The following PAX2 variants were observed in gnomAD, a reference collection of about 807,000 sequenced individuals.
The protein encoded by PAX2 is paired box protein Pax-2.
A neutral mutation model predicts 41.7 loss-of-function variants in PAX2; 9 were observed. That is an observed-to-expected ratio of 0.22 (90% confidence interval 0.13 to 0.38). The LOEUF (loss-of-function observed/expected upper bound fraction) is 0.38. Ranked by LOEUF, PAX2 falls within the 10% of genes least tolerant of loss-of-function variation. The pLI is 1.00. For synonymous variants in PAX2, 221 were observed against 212.7 expected (o/e 1.04, Z -0.34); for missense variants, 418 against 531.6 (o/e 0.79, Z 2.10).
intron 3 of PAX2, among the ~76,000 whole-genome samples, chr10:100,762,340 G>A (rs929371718): frequency 2.6e-5 from 4 of 152,138 alleles, no homozygotes; most frequent in Non-Finnish European, 4.4e-5. Flanking sequence ...CATTGACATG[G>A]GGCAGTGAAG....
At chr10:100,786,715 G>T (rs1025876181) in intron 5 of PAX2, among the ~76,000 whole-genome samples, 2 of 152,174 alleles carry the variant, frequency 1.3e-5, no homozygotes, top group African/African-American at 4.8e-5. Flanking sequence ...CCTACCTTCT[G>T]CTGATAAAGG....
At chr10:100,799,192 CT>C (rs1847451868) in intron 5 of PAX2, among the ~76,000 whole-genome samples, 2 of 152,300 alleles carry the variant, frequency 1.3e-5, no homozygotes, top group South Asian at 4.1e-4. Flanking sequence ...CTGAGCCCCA[CT>C]GCTCCCCCAG....
At chr10:100,787,257 T>TG (rs548126843) in intron 5 of PAX2, among the ~76,000 whole-genome samples, 18 of 152,094 alleles carry the variant, frequency 1.2e-4, no homozygotes, top group South Asian at 8.3e-4. Flanking sequence ...ACTCAGTGGA[T>TG]GGGGGGTCAC....
chr10:100,749,126 A>T, intron 1 of PAX2: 1 of 985,596 alleles, frequency 1.0e-6, no homozygotes, highest in Non-Finnish European at 1.2e-6. Flanking sequence ...AAAACTTCCC[A>T]TCAAAAACAA....
At position 100,806,508 on chromosome 10, in the gene PAX2, C is replaced by A. The variant is rs1374826981; in HGVS notation, c.695C>A (p.Thr232Asn). ...DSLRKHLRAD[T>N]FTQQQLEALD... ...TTGCGGAAGCACTTGCGAGCTGACACCTTCACCCAGCAGCAGCTGGAAGCT... is the reference window on the plus strand; with the variant it reads ...TTGCGGAAGCACTTGCGAGCTGACAACTTCACCCAGCAGCAGCTGGAAGCT... Residue 232 changes from threonine (T) to asparagine (N), a missense_variant, in exon 6 of 10, where the codon ACC becomes AAC. Around this residue, in one of 2 missense-constraint regions of PAX2, gnomAD observed 310 missense variants for 325.2 expected, o/e 0.95. Transcript: ENST00000355243. The A allele has an allele frequency of 6.2e-7, 1 of 1,614,116 alleles. No homozygotes were observed. The highest frequency in any genetic ancestry group is 8.5e-7 in the Non-Finnish European group (1 of 1,180,036).
chr10:100,771,401 C>T (rs1846204307), intron 3 of PAX2, among the ~76,000 whole-genome samples: 2 of 152,230 alleles, frequency 1.3e-5, no homozygotes, highest in Middle Eastern at 3.2e-3. Context: ...AACCTCTAAA[C>T]TCAGCCCAAA....
chr10:100,749,580 C>T (rs1845355156), intron 1 of PAX2, 166 bp from the exon 2 acceptor site: 6 of 1,424,152 alleles, frequency 4.2e-6, no homozygotes. Context: ...CTTCCAGTCC[C>T]CACTCCTCCG....
In PAX2 at chr10:100,802,433, G is replaced by A. The variant is rs757952203; in HGVS notation, c.617-3997G>A. On this transcript the variant is annotated intron_variant, in intron 5 of 9. Transcript: ENST00000355243. ...TGGTAGAGGCACCAGAGATGGGCAG[G>A]ATGGTGTTGCTGAGAGTGGAAAAGG... Among the ~76,000 whole-genome samples, 40 of 152,228 alleles carry A rather than the reference G, an allele frequency of 2.6e-4. 1 individual carries two copies. Among genetic ancestry groups the A allele is most frequent in the Non-Finnish European group, 5.4e-4 (37 of 68,046 alleles).
rs1443855962 is a variant in PAX2, at chr10:100,784,254, A to T, written c.616+2889A>T. The stretch of plus-strand genomic sequence containing the variant: ...AAGCAGCTGGCAGGCCAGTCACAGA[A>T]GGCAGCCTCGGGCATGGGCTGCAGA... On this transcript the variant is annotated intron_variant, in intron 5 of 9. Transcript: ENST00000355243. Among the ~76,000 whole-genome samples the T allele has an allele frequency of 2.0e-5, 3 of 152,262 alleles. No homozygotes were observed. The East Asian group carries it at 5.8e-4, about 29-fold the overall frequency.
intron 6 of PAX2, among the ~76,000 whole-genome samples, chr10:100,808,729 A>G (rs1847886082): frequency 6.6e-6 from 1 of 152,118 alleles, no homozygotes; most frequent in Non-Finnish European, 1.5e-5. Flanking sequence ...TCTCCCAGCT[A>G]CTGGCTCTGC....
upstream of PAX2, among the ~76,000 whole-genome samples, chr10:100,744,939 A>G (rs1250974621): frequency 5.3e-5 from 8 of 152,188 alleles, no homozygotes; most frequent in South Asian, 1.5e-3. Context: ...TGGAATGAGA[A>G]GTGGGGGGTG....
At chr10:100,761,174 G>C (rs942349573) in intron 3 of PAX2, among the ~76,000 whole-genome samples, 1 of 151,904 alleles carries the variant, frequency 6.6e-6, no homozygotes, top group East Asian at 1.9e-4. Context: ...TGGACTGTAC[G>C]GGGTGGGGTG....
At chr10:100,772,901 T>G (rs1846263804) in intron 3 of PAX2, among the ~76,000 whole-genome samples, 1 of 152,214 alleles carries the variant, frequency 6.6e-6, no homozygotes, top group Non-Finnish European at 1.5e-5. Flanking sequence ...TACTTGGAGA[T>G]CCAATGTACA....
intron 5 of PAX2, among the ~76,000 whole-genome samples, chr10:100,805,064 A>G (rs1044083479): frequency 1.4e-4 from 18 of 132,108 alleles, no homozygotes; most frequent in African/African-American, 5.0e-4. Flanking sequence ...ACACACACAC[A>G]CACACACACA....
At chr10:100,773,761 A>T (rs1299534987) in intron 3 of PAX2, among the ~76,000 whole-genome samples, 1 of 152,152 alleles carries the variant, frequency 6.6e-6, no homozygotes, top group Admixed American at 6.5e-5. Flanking sequence ...CAGGTGTATG[A>T]TTCCAGCAGA....
chr10:100,779,785 T>G (rs993753624), intron 4 of PAX2, among the ~76,000 whole-genome samples: 2 of 152,174 alleles, frequency 1.3e-5, no homozygotes, highest in African/African-American at 2.4e-5. Context: ...CTCCCACTTG[T>G]GTCACCTCCC....
chr10:100,748,799 G>A lies in PAX2; in HGVS notation c.44-947G>A, dbSNP rs866839560. On this transcript the variant is annotated intron_variant, in intron 1 of 9. Transcript: ENST00000355243. The surrounding 1 kb of genome is among the most constrained non-coding windows in gnomAD (Gnocchi z 5.0). ...CTCGGTTTCCTGGGGGGGCTGCCGA[G>A]GTCTGAGGGGTCAAAGGGACTCGAG... 1.0e-6 allele frequency: 1 copy of A among 985,526 alleles called. No individual in the cohort carries two copies. The highest frequency in any genetic ancestry group is 1.2e-6 in the Non-Finnish European group (1 of 830,002). The allele number at this position is 985,526 out of a possible 1,614,324, so 61.0% of individuals were successfully genotyped here. A position where few individuals can be genotyped will look rare whatever the true frequency, so the allele number is the denominator to read the frequency against.
At chr10:100,812,489 C>G (rs1340585761) in intron 7 of PAX2, among the ~76,000 whole-genome samples, 1 of 152,188 alleles carries the variant, frequency 6.6e-6, no homozygotes, top group African/African-American at 2.4e-5. Flanking sequence ...TGGTACCTCT[C>G]ATCACCTTCT....
At chr10:100,766,296 T>C (rs1846026504) in intron 3 of PAX2, among the ~76,000 whole-genome samples, 1 of 152,228 alleles carries the variant, frequency 6.6e-6, no homozygotes, top group Non-Finnish European at 1.5e-5. Context: ...CCCTAGCAGA[T>C]GGTCACACCT....
Sources: gnomAD v4.1 joint callset for allele counts (sites outside exome capture counted in the v4.1 genomes callset) on GRCh38, gnomAD v4.1.1 for gene constraint, gnomAD v4.1.1 regional missense constraint, Gnocchi (gnomAD v3.1) non-coding constraint, MANE v1.5 for transcripts, NCBI Gene and HGNC (gene_info 2026-07-23, HGNC 2026-07-21) for gene names.